UPF3A: variants seen among roughly 807,000 people sequenced by gnomAD.
The protein encoded by UPF3A is regulator of nonsense transcripts 3A.
In UPF3A, 42 loss-of-function variants were observed where a neutral mutation model predicts 53.5. That is an observed-to-expected ratio of 0.78 (90% CI 0.61 to 1.01). UPF3A has a LOEUF of 1.01. Ranked by LOEUF, UPF3A falls within the 50% of genes least tolerant of loss-of-function variation. UPF3A has a pLI of 0.00. For synonymous variants in UPF3A, 237 were observed against 225.3 expected, an observed-to-expected ratio of 1.05 and a Z score of -0.47; for missense variants, 575 against 598.0, an observed-to-expected ratio of 0.96 and a Z score of 0.40.
chr13:114,298,308 G>A (rs2086250606), intron 7 of UPF3A, among the ~76,000 whole-genome samples: 1 of 152,076 alleles, frequency 6.6e-6, no homozygotes, highest in Admixed American at 6.6e-5. Flanking sequence ...GGGAGGAGGA[G>A]GTTGCAGTGA....
chr13:114,302,809 T>C (rs2086708955), intron 9 of UPF3A, among the ~76,000 whole-genome samples: 1 of 152,212 alleles, frequency 6.6e-6, no homozygotes, highest in Non-Finnish European at 1.5e-5. Context: ...ACTTTGAAAC[T>C]GTTTCAGTGT....
At chr13:114,303,708 C>T (rs1237948010) in intron 9 of UPF3A, among the ~76,000 whole-genome samples, 4 of 152,138 alleles carry the variant, frequency 2.6e-5, no homozygotes, top group African/African-American at 9.7e-5. Context: ...ATCACTTGAA[C>T]CCAGGAGGCA....
intron 4 of UPF3A, 27 bp downstream of exon 4, chr13:114,286,427 T>C: frequency 6.8e-6 from 11 of 1,613,068 alleles, no homozygotes; most frequent in East Asian, 2.2e-5. Flanking sequence ...TGCTACGTTA[T>C]GAAGCTGCCA....
chr13:114,284,310 C>T (rs1029155609), intron 3 of UPF3A, among the ~76,000 whole-genome samples: 16 of 151,718 alleles, frequency 1.1e-4, no homozygotes, highest in African/African-American at 3.6e-4. Flanking sequence ...TGCAGTGAGC[C>T]GAGATCATGC....
chr13:114,299,042 CATG>C, intron 8 of UPF3A, 42 bp downstream of exon 8: 8 of 1,532,484 alleles, frequency 5.2e-6, no homozygotes, highest in Non-Finnish European at 7.0e-6. Context: ...AGCTCCCAGT[CATG>C]GTGACGTAGG....
chr13:114,295,054 G>C (rs1815151207), intron 7 of UPF3A, among the ~76,000 whole-genome samples: 1 of 150,612 alleles, frequency 6.6e-6, no homozygotes. Flanking sequence ...GGAGCTTGCA[G>C]TGAGCCAAGA....
chr13:114,282,607 G>A, intron 2 of UPF3A: 3 of 985,482 alleles, frequency 3.0e-6, no homozygotes, highest in Non-Finnish European at 2.4e-6. Flanking sequence ...TTTCAGCCTC[G>A]GAGGACCGGT....
At chr13:114,302,813 T>G (rs924078291) in intron 9 of UPF3A, among the ~76,000 whole-genome samples, 2 of 152,212 alleles carry the variant, frequency 1.3e-5, no homozygotes, top group African/African-American at 4.8e-5. Context: ...TGAAACTGTT[T>G]CAGTGTAGCT....
At chr13:114,283,048 G>C (rs923055812) in intron 3 of UPF3A, 105 bp downstream of exon 3, 1 of 911,712 alleles carries the variant, frequency 1.1e-6, no homozygotes, top group East Asian at 2.8e-5. Flanking sequence ...TTTGAGACAG[G>C]GTCTTGCTCT....
At chr13:114,287,926 C>T (rs2084888726) in intron 5 of UPF3A, among the ~76,000 whole-genome samples, 1 of 152,138 alleles carries the variant, frequency 6.6e-6, no homozygotes, top group Non-Finnish European at 1.5e-5. Flanking sequence ...TCTGCCTCAG[C>T]CTCCTGAGTA....
intron 9 of UPF3A, among the ~76,000 whole-genome samples, chr13:114,303,265 G>GGA (rs1432618313): frequency 6.6e-6 from 1 of 152,150 alleles, no homozygotes; most frequent in Non-Finnish European, 1.5e-5. Context: ...GTTGCTCATA[G>GGA]GAGTCCTCAG....
Position 114,282,019 on chromosome 13 carries a change from A to T in UPF3A, c.208-2A>T, listed in dbSNP as rs1412371067. On this transcript the variant is annotated splice_acceptor_variant, in intron 1 of 9. Transcript: ENST00000375299. LOFTEE classifies it high-confidence loss of function. ...GTGGGAACGGCCGCGCGCTCCCCGC[A>T]GGTGGTCATCCGCCGCCTGCCTCCG... The T allele has an allele frequency of 1.3e-6, 2 of 1,551,660 alleles. No individual in the cohort carries two copies. The highest frequency in any genetic ancestry group is 4.8e-5 in the East Asian group (2 of 41,324).
intron 5 of UPF3A, among the ~76,000 whole-genome samples, chr13:114,289,863 G>A (rs1191721034): frequency 1.3e-5 from 2 of 152,236 alleles, no homozygotes; most frequent in East Asian, 1.9e-4. Context: ...CTTTGCCCGT[G>A]ATCCCTGTGG....
chr13:114,286,389 G>A lies in UPF3A; in HGVS notation c.509G>A (p.Ser170Asn), dbSNP rs547441846. 3 of 1,614,232 alleles carry A rather than the reference G, an allele frequency of 1.9e-6. No homozygotes were observed. The highest frequency in any genetic ancestry group is 4.5e-5 in the East Asian group (2 of 44,886). ...AGAAAAAAAGATGCCAAGACTGGAA[G>A]CATCGAAGATGGTGAGCCCTTTCCA... ...KLRKKDAKTG[S>N]IEDDPEYKKF... The change falls in exon 4 of 10, where the codon AGC (serine) becomes AAC (asparagine). Residue 170 changes from serine to asparagine, a missense_variant. Coordinates refer to ENST00000375299, the MANE Select transcript of UPF3A (RefSeq NM_023011.4).
intron 7 of UPF3A, among the ~76,000 whole-genome samples, chr13:114,295,807 G>C (rs1484286281): frequency 1.3e-5 from 2 of 152,198 alleles, no homozygotes; most frequent in African/African-American, 4.8e-5. Context: ...CTAGTGCCTA[G>C]CACAGGGTCT....
At chr13:114,302,340 A>G (rs2086675376) in intron 9 of UPF3A, among the ~76,000 whole-genome samples, 6 of 152,240 alleles carry the variant, frequency 3.9e-5, no homozygotes, top group Admixed American at 1.3e-4. Context: ...ATGATATTTC[A>G]TGGAGGTTTC....
rs777756188 is a variant in UPF3A, at chr13:114,286,619, A to T, written c.621A>T (p.Arg207Ser). Residue 207 changes from arginine (R) to serine (S), a missense_variant, in exon 5 of 10, where the codon AGA (arginine) becomes AGT (serine). Arg to Ser is a moderately radical substitution (Grantham distance 110). Transcript: ENST00000375299. The stretch of plus-strand genomic sequence containing the variant: ...TGGGGGAGATGGAGGCGAAGACAAG[A>T]GAGCTCATTGGTCTGTTTTGCTCAT... ...TLLGEMEAKT[R>S]ELIARRTTPL... 13 of 1,612,526 alleles carry T rather than the reference A, an allele frequency of 8.1e-6. No homozygotes were observed. The Admixed American group carries it at 2.2e-4, about 27-fold the overall frequency.
intron 2 of UPF3A, chr13:114,282,621 G>A (rs2084220873): frequency 1.0e-6 from 1 of 985,486 alleles, no homozygotes; most frequent in Non-Finnish European, 1.2e-6. Flanking sequence ...GACCGGTTCT[G>A]GGCAGTGGAG....
intron 8 of UPF3A, among the ~76,000 whole-genome samples, chr13:114,301,114 A>C (rs2086566147): frequency 6.6e-6 from 1 of 151,942 alleles, no homozygotes; most frequent in African/African-American, 2.4e-5. Context: ...TGCCTGGTCA[A>C]AAGAAGGTAT....
Sources: gnomAD v4.1 joint callset for allele counts (sites outside exome capture counted in the v4.1 genomes callset) on GRCh38, gnomAD v4.1.1 for gene constraint, MANE v1.5 for transcripts, NCBI Gene and HGNC (gene_info 2026-07-23, HGNC 2026-07-21) for gene names.